MRC2: variants seen among roughly 807,000 people sequenced by gnomAD.
The protein encoded by MRC2 is mannose receptor C-type 2, also known as C-type mannose receptor 2.
In MRC2, 84 loss-of-function variants were observed where a neutral mutation model predicts 206.2. The observed-to-expected ratio is 0.41, with a 90% CI of 0.34 to 0.49. The LOEUF (loss-of-function observed/expected upper bound fraction) is 0.49, where lower values mean the gene tolerates loss of function less well. Ranked by LOEUF, MRC2 falls within the 20% of genes least tolerant of loss-of-function variation. MRC2 has a pLI of 0.31. For synonymous variants in MRC2, 798 were observed against 800.0 expected (o/e 1.00, Z 0.04); for missense variants, 1,676 against 2,001.5 (o/e 0.84, Z 3.10).
rs539381339 is a variant in MRC2, at chr17:62,641,436, T to C, written c.118+13516T>C. Among the ~76,000 whole-genome samples, 4 of 151,772 alleles carry C rather than the reference T, an allele frequency of 2.6e-5. No individual in the cohort carries two copies. The East Asian group carries it at 7.8e-4, about 29-fold the overall frequency. Reference sequence around the variant, plus strand: ...TGGGGAGAACGACTCCCAGACAAACTAGCCTGGCTGAATAGGAAGGACTCA... The same window carrying C: ...TGGGGAGAACGACTCCCAGACAAACCAGCCTGGCTGAATAGGAAGGACTCA... On this transcript the variant is annotated intron_variant, in intron 1 of 29. Transcript: ENST00000303375.
At chr17:62,651,816 C>T (rs2088559182) in intron 1 of MRC2, among the ~76,000 whole-genome samples, 1 of 152,174 alleles carries the variant, frequency 6.6e-6, no homozygotes, top group African/African-American at 2.4e-5. Flanking sequence ...AAGTGATCCA[C>T]CTGCCTCGGC....
rs1319361543 is a variant in MRC2 at position 62,691,095 on chromosome 17, A to G, written c.4159A>G (p.Ile1387Val). ...GLWRPGACTN[I>V]TMGVVCKLPR... ...ATGGCGCCCCGGCGCTTGCACCAACATCACCATGGGTGTCGTCTGCAAGCT... is the reference window on the plus strand; with the variant it reads ...ATGGCGCCCCGGCGCTTGCACCAACGTCACCATGGGTGTCGTCTGCAAGCT... Residue 1387 changes from isoleucine (I) to valine (V), a missense_variant, in exon 28 of 30, where the codon ATC becomes GTC. Ile to Val is a conservative substitution (Grantham distance 29). Around this residue, in one of 3 missense-constraint regions of MRC2, gnomAD observed 1,354 missense variants for 1,636.6 expected, o/e 0.83. Transcript: ENST00000303375. The G allele has an allele frequency of 6.2e-7, 1 of 1,609,730 alleles. No individual in the cohort carries two copies. The highest frequency in any genetic ancestry group is 1.1e-5 in the South Asian group (1 of 90,420).
intron 1 of MRC2, among the ~76,000 whole-genome samples, chr17:62,655,143 G>A (rs1396109531): frequency 2.6e-5 from 4 of 151,944 alleles, no homozygotes; most frequent in Admixed American, 1.3e-4. Flanking sequence ...AAAATTAGCC[G>A]GGCGTGGTGG....
intron 8 of MRC2, among the ~76,000 whole-genome samples, chr17:62,673,058 A>G (rs1418962535): frequency 6.6e-6 from 1 of 152,144 alleles, no homozygotes; most frequent in Non-Finnish European, 1.5e-5. Context: ...CTAGGGACAG[A>G]CAGGATGTTC....
chr17:62,649,211 G>T (rs1287332026), intron 1 of MRC2, among the ~76,000 whole-genome samples: 2 of 152,236 alleles, frequency 1.3e-5, no homozygotes, highest in Admixed American at 6.5e-5. Flanking sequence ...CGTCACAGAA[G>T]TTGGCAGGTG....
In MRC2 at chr17:62,671,218, A is replaced by G. The variant is rs903910909; in HGVS notation, c.1118-431A>G. On this transcript the variant is annotated intron_variant, in intron 6 of 29. Coordinates refer to ENST00000303375, the MANE Select transcript of MRC2 (RefSeq NM_006039.5). The surrounding 1 kb of genome is among the most constrained non-coding windows in gnomAD (Gnocchi z 4.5). ...TCCTGAGTAGCGGGACCACAGGCGC[A>G]CATCACCATGCCTGGCTAATTTTTT... Among the ~76,000 whole-genome samples the G allele has an allele frequency of 1.3e-5, 2 of 152,152 alleles. No individual in the cohort carries two copies. Among genetic ancestry groups the G allele is most frequent in the Non-Finnish European group, 1.5e-5 (1 of 68,020 alleles).
At chr17:62,655,739 GA>G (rs2088611775) in intron 1 of MRC2, among the ~76,000 whole-genome samples, 1 of 135,162 alleles carries the variant, frequency 7.4e-6, no homozygotes, top group Admixed American at 7.3e-5. Flanking sequence ...AAAAAAAAAA[GA>G]AAAAGAAAAG....
In MRC2 at chr17:62,664,700, A is replaced by G. The variant is rs139110507; in HGVS notation, c.271A>G (p.Met91Val). 9.3e-6 allele frequency: 15 copies of G among 1,613,922 alleles called. No homozygotes were observed. In the African/African-American group the frequency reaches 1.9e-4, roughly 20 times the overall value. ...SRNRLFNLGT[M>V]QCLGTGWPGT... is the part of the protein sequence containing the mutation. ...AAACCGGCTATTCAACCTGGGTACC[A>G]TGCAGTGCCTGGGCACAGGCTGGCC... Residue 91 changes from methionine to valine, a missense_variant, in exon 2 of 30, where the codon ATG becomes GTG. This residue lies in a region of MRC2 where 318 missense variants were observed against 346.7 expected (regional missense o/e 0.92). Transcript: ENST00000303375. The surrounding 1 kb of genome is among the most constrained non-coding windows in gnomAD (Gnocchi z 4.7).
rs2088469843 is a variant in MRC2 at position 62,645,521 on chromosome 17, A to ATT, written c.118+17602_118+17603insTT. ...ATTATATATATATATATATATATATATATATATTTTTTTTTTTTTTTTTTT... is the reference window on the plus strand; with the variant it reads ...ATTATATATATATATATATATATATATTTATATATTTTTTTTTTTTTTTTTTT... On this transcript the variant is annotated intron_variant, in intron 1 of 29. Coordinates refer to ENST00000303375, the MANE Select transcript of MRC2 (RefSeq NM_006039.5). Among the ~76,000 whole-genome samples, 123 of 45,550 alleles carry ATT rather than the reference A, an allele frequency of 2.7e-3. 4 individuals carry two copies. Among genetic ancestry groups the ATT allele is most frequent in the Non-Finnish European group, 3.8e-3 (90 of 23,436 alleles). The allele number at this position is 45,550 out of a possible 152,430, so 29.9% of individuals were successfully genotyped here. A position where few individuals can be genotyped will look rare whatever the true frequency, so the allele number is the denominator to read the frequency against.
chr17:62,691,191 G>A, intron 28 of MRC2, 63 bp downstream of exon 28: 1 of 1,507,822 alleles, frequency 6.6e-7, no homozygotes, highest in Non-Finnish European at 8.8e-7. Flanking sequence ...CCTGGGCTGG[G>A]GCTGGGGGCT....
chr17:62,641,316 A>T (rs1488788458), intron 1 of MRC2, among the ~76,000 whole-genome samples: 1 of 134,126 alleles, frequency 7.5e-6, no homozygotes, highest in Non-Finnish European at 1.6e-5. Context: ...ACTGTCTCAG[A>T]AAAAAAAAAA....
In MRC2 at chr17:62,666,587, T is replaced by C; in HGVS notation, c.827T>C (p.Ile276Thr). The change falls in exon 4 of 30, where the codon ATC (isoleucine) becomes ACC (threonine). Residue 276 changes from isoleucine (I) to threonine (T), a missense_variant. By Grantham distance (89) the Ile-to-Thr change is moderately conservative. Transcript: ENST00000303375. This position sits in a 1 kb window ranked among gnomAD's most constrained non-coding sequence, Gnocchi z 5.0. The part of the protein sequence containing the change: ...CEQQGADLLS[I>T]TEIHEQTYIN... ...CAGCAGGGTGCGGATCTGCTGAGCATCACGGAGATCCACGAGCAGACCTAC... is the reference window on the plus strand; with the variant it reads ...CAGCAGGGTGCGGATCTGCTGAGCACCACGGAGATCCACGAGCAGACCTAC... 6.2e-7 allele frequency: 1 copy of C among 1,604,386 alleles called. No homozygotes were observed. Among genetic ancestry groups the C allele is most frequent in the Non-Finnish European group, 8.5e-7 (1 of 1,175,570 alleles).
intron 9 of MRC2, 89 bp downstream of exon 9, chr17:62,674,259 C>T: frequency 4.4e-6 from 4 of 907,128 alleles, no homozygotes; most frequent in South Asian, 1.7e-5. Flanking sequence ...CCTGCTGCCT[C>T]GCATGGCATC....
intron 1 of MRC2, among the ~76,000 whole-genome samples, chr17:62,639,908 C>G (rs1423636511): frequency 6.6e-6 from 1 of 151,790 alleles, no homozygotes; most frequent in African/African-American, 2.4e-5. Flanking sequence ...GGCTGGAGTG[C>G]AATGGCTCGA....
At position 62,680,805 on chromosome 17, in the gene MRC2, C is replaced by T. The variant is rs759397839; in HGVS notation, c.2479C>T (p.Arg827Trp). 4 of 1,609,696 alleles carry T rather than the reference C, an allele frequency of 2.5e-6. No individual in the cohort carries two copies. The Admixed American group carries it at 5.0e-5, about 20-fold the overall frequency. ...CGCCCGCGCTGCTCCTGCAGGCCGA[C>T]GGGAATGGCTGCGCTTCCAGGAGGC... is the stretch of plus-strand genomic sequence containing the variant. ...REPDDSPQGR[R>W]EWLRFQEAEY... The change falls in exon 17 of 30, where the codon CGG (arginine) becomes TGG (tryptophan). Residue 827 changes from arginine to tryptophan, a missense_variant. Transcript: ENST00000303375. This position sits in a 1 kb window ranked among gnomAD's most constrained non-coding sequence, Gnocchi z 4.8.
rs2088761064 is a variant in MRC2 at position 62,666,735 on chromosome 17, C to G, written c.860-22C>G. 1 of 1,610,296 alleles carries G rather than the reference C, an allele frequency of 6.2e-7. No homozygotes were observed. Among genetic ancestry groups the G allele is most frequent in the African/African-American group, 1.3e-5 (1 of 74,788 alleles). Reference sequence around the variant, plus strand: ...AGGCTGGGGCTGGGGATCCCCTGTTCAGTGTCCCTCCTTGCTGTCAGGCCT... The same window carrying G: ...AGGCTGGGGCTGGGGATCCCCTGTTGAGTGTCCCTCCTTGCTGTCAGGCCT... On this transcript the variant is annotated intron_variant, in intron 4 of 29. Coordinates refer to ENST00000303375, the MANE Select transcript of MRC2 (RefSeq NM_006039.5). This position sits in a 1 kb window ranked among gnomAD's most constrained non-coding sequence, Gnocchi z 5.0.
chr17:62,645,177 A>G, intron 1 of MRC2, among the ~76,000 whole-genome samples: 1 of 152,140 alleles, frequency 6.6e-6, no homozygotes, highest in Non-Finnish European at 1.5e-5. Flanking sequence ...AACAAATGAG[A>G]AATGGGAGAC....
chr17:62,661,213 T>C (rs2088675521), intron 1 of MRC2, among the ~76,000 whole-genome samples: 1 of 152,186 alleles, frequency 6.6e-6, no homozygotes. Flanking sequence ...TCATGTTAAA[T>C]TGTGGCTCAT....
chr17:62,680,903 G>A lies in MRC2; in HGVS notation c.2577G>A (p.Glu859=), dbSNP rs1416240272. ...AQRICTWFQA[E]LTSVHSQAEL... is the part of the protein sequence containing the mutation. The stretch of plus-strand genomic sequence containing the variant: ...GCATCTGCACGTGGTTCCAGGCCGA[G>A]CTGACCTCGGTGCACAGCCAGGCGG... The change falls in exon 17 of 30, where the codon GAG becomes GAA. Residue 859 remains glutamate (E), a synonymous_variant. Coordinates refer to ENST00000303375, the MANE Select transcript of MRC2 (RefSeq NM_006039.5). This position sits in a 1 kb window ranked among gnomAD's most constrained non-coding sequence, Gnocchi z 4.8. 1 of 1,613,092 alleles carries A rather than the reference G, an allele frequency of 6.2e-7. No individual in the cohort carries two copies. The highest frequency in any genetic ancestry group is 8.5e-7 in the Non-Finnish European group (1 of 1,179,960).
Sources: allele counts gnomAD v4.1 joint callset (sites outside exome capture counted in the v4.1 genomes callset), GRCh38; gene constraint gnomAD v4.1.1; regional missense constraint gnomAD v4.1.1; non-coding constraint Gnocchi (gnomAD v3.1); transcripts MANE v1.5; gene names NCBI Gene and HGNC (gene_info 2026-07-23, HGNC 2026-07-21).